Variants in GFAP observed in about 807,000 individuals in gnomAD.
GFAP encodes the protein intermediate filament protein.
GFAP carries 38 observed loss-of-function variants against 49.3 expected under a neutral mutation model. That is an observed-to-expected ratio of 0.77 (90% CI 0.60 to 1.01). The LOEUF (loss-of-function observed/expected upper bound fraction) is 1.01, where lower values mean the gene tolerates loss of function less well. Among genes scored for constraint, GFAP ranks in the 50% least tolerant of loss-of-function variants. GFAP has a pLI of 0.00. For synonymous variants in GFAP, 222 were observed against 236.4 expected, an observed-to-expected ratio of 0.94 and a Z score of 0.56; for missense variants, 463 against 579.1, an observed-to-expected ratio of 0.80 and a Z score of 2.06.
intron 4 of GFAP, chr17:44,912,296 T>C (rs1472647672): frequency 1.9e-5 from 3 of 157,396 alleles, no homozygotes; most frequent in African/African-American, 7.2e-5. Flanking sequence ...GCTGATTTTG[T>C]ATTTTTAGTA....
At position 44,904,325 on chromosome 17, in the gene GFAP, C is replaced by T. The variant is rs1457402419; in HGVS notation, c.*3022G>A. 1.0e-5 allele frequency: 16 copies of T among 1,543,226 alleles called. No individual in the cohort carries two copies. Among genetic ancestry groups the T allele is most frequent in the Non-Finnish European group, 1.2e-5 (14 of 1,142,658 alleles). On this transcript the variant is annotated 3_prime_UTR_variant, in exon 9 of 9. Transcript: ENST00000588735. Reference sequence around the variant, plus strand: ...CTTTGCAGATGAATACTATGGGCACCTCCATGTCTTCACCACCTTCTGGGA... The same window carrying T: ...CTTTGCAGATGAATACTATGGGCACTTCCATGTCTTCACCACCTTCTGGGA...
intron 4 of GFAP, 28 bp from the exon 5 acceptor site, chr17:44,911,825 G>A (rs769420427): frequency 1.2e-4 from 195 of 1,602,010 alleles, no homozygotes; most frequent in Non-Finnish European, 1.7e-4. Flanking sequence ...ATGGGGGGCT[G>A]TGTGGGCCCA....
chr17:44,904,431 C>T lies in GFAP; in HGVS notation c.*2916G>A, dbSNP rs1404828331. 7 of 1,541,112 alleles carry T rather than the reference C, an allele frequency of 4.5e-6. No homozygotes were observed. Among genetic ancestry groups the T allele is most frequent in the Non-Finnish European group, 6.1e-6 (7 of 1,140,034 alleles). On this transcript the variant is annotated 3_prime_UTR_variant, in exon 9 of 9. Coordinates refer to ENST00000588735, the MANE Select transcript of GFAP (RefSeq NM_002055.5). ...TGCTACCTGCAGAGCCCAGACCTCT[C>T]CCCACGCTACCTCAAGGCCGTGCCC...
Position 44,913,267 on chromosome 17 carries a change from A to G in GFAP, c.780+2T>C, listed in dbSNP as rs746870057. The stretch of plus-strand genomic sequence containing the variant: ...GGCAGGCTGGCCCACAGGCAGGGCT[A>G]CCTTGGAGCGGTACCACTCTTCGGC... On this transcript the variant is annotated splice_donor_variant, in intron 4 of 8. Transcript: ENST00000588735. LOFTEE classifies it high-confidence loss of function. The G allele has an allele frequency of 6.2e-7, 1 of 1,614,002 alleles. No homozygotes were observed. Among genetic ancestry groups the G allele is most frequent in the Non-Finnish European group, 8.5e-7 (1 of 1,179,924 alleles).
rs554069030 is a variant in GFAP, at chr17:44,914,660, G to A, written c.461+366C>T. The A allele has an allele frequency of 6.8e-5, 20 of 294,576 alleles. 1 individual carries two copies. The South Asian group carries it at 7.4e-4, about 11-fold the overall frequency. 18.2% of individuals were successfully genotyped at this position (294,576 alleles called of 1,614,324 possible). Reference sequence around the variant, plus strand: ...TCCCTCATGGACATCAACCTTCTCCGCTTCCAACTCCTCCTTTATATGGAC... The same window carrying A: ...TCCCTCATGGACATCAACCTTCTCCACTTCCAACTCCTCCTTTATATGGAC... On this transcript the variant is annotated intron_variant, in intron 1 of 8. Transcript: ENST00000588735.
chr17:44,910,059 G>A, intron 7 of GFAP: 1 of 1,609,808 alleles, frequency 6.2e-7, no homozygotes, highest in African/African-American at 1.3e-5. Flanking sequence ...GGGAACTCAG[G>A]GGGATTGGGA....
chr17:44,912,953 C>G, intron 4 of GFAP: 1 of 387,590 alleles, frequency 2.6e-6, no homozygotes, highest in South Asian at 2.4e-5. Context: ...TAGTTAACCT[C>G]TCTGGACTTC....
At chr17:44,911,032 A>T (rs1043898850) in intron 6 of GFAP, among the ~76,000 whole-genome samples, 5 of 152,194 alleles carry the variant, frequency 3.3e-5, no homozygotes, top group African/African-American at 1.2e-4. Flanking sequence ...AGGCCTAATC[A>T]ATATTGGTTG....
chr17:44,910,803 G>T, intron 6 of GFAP, 145 bp from the exon 7 acceptor site: 1 of 1,211,094 alleles, frequency 8.3e-7, no homozygotes, highest in Non-Finnish European at 1.2e-6. Context: ...TTCCCCAGCA[G>T]CCAACGTGCT....
intron 7 of GFAP, chr17:44,910,204 G>A (rs2051728511): frequency 5.0e-6 from 8 of 1,613,878 alleles, no homozygotes; most frequent in Non-Finnish European, 4.2e-6. Flanking sequence ...CGTATTGTGA[G>A]GCTTTTGAGA....
Position 44,915,126 on chromosome 17 carries a change from G to A in GFAP, c.361C>T (p.Arg121Ter), listed in dbSNP as rs774973273. Residue 121 changes from arginine to a stop codon, truncating the protein, a stop_gained, in exon 1 of 9, where the codon CGA becomes TGA. Transcript: ENST00000588735. LOFTEE classifies it high-confidence loss of function. This position sits in a 1 kb window ranked among gnomAD's most constrained non-coding sequence, Gnocchi z 4.1. Reference sequence around the variant, plus strand: ...TGATCGAGCCGCAGCCGCAGCTCTCGCAGCTCAGCCTGGTAGACGTCTGCC... The same window carrying A: ...TGATCGAGCCGCAGCCGCAGCTCTCACAGCTCAGCCTGGTAGACGTCTGCC... ...KLADVYQAEL[R>*]ELRLRLDQLT... 3.7e-6 allele frequency: 6 copies of A among 1,613,900 alleles called. No individual in the cohort carries two copies. The Admixed American group carries it at 5.0e-5, about 13-fold the overall frequency.
chr17:44,913,041 C>T, intron 4 of GFAP: 1 of 588,278 alleles, frequency 1.7e-6, no homozygotes, highest in Non-Finnish European at 3.1e-6. Flanking sequence ...TAGAACAGAA[C>T]AGTATCAGCT....
At chr17:44,908,033 A>G (rs753584704) in intron 8 of GFAP, 31 bp downstream of exon 8, 13 of 1,489,342 alleles carry the variant, frequency 8.7e-6, no homozygotes, top group Non-Finnish European at 1.2e-5. Flanking sequence ...GGGGCCAGCC[A>G]GAGCCTGACT....
chr17:44,909,175 AG>A (rs2051704251), intron 7 of GFAP: 1 of 152,440 alleles, frequency 6.6e-6, no homozygotes, highest in Non-Finnish European at 1.5e-5. Flanking sequence ...CCAGAGCTCA[AG>A]AAGTCCCAAC....
At chr17:44,913,248 C>T (rs765288999) in intron 4 of GFAP, 21 bp downstream of exon 4, 2 of 1,612,150 alleles carry the variant, frequency 1.2e-6, no homozygotes, top group South Asian at 2.2e-5. Flanking sequence ...AGGAGGCAGG[C>T]TGGCCCACAG....
chr17:44,907,115 T>A lies in GFAP; in HGVS notation c.*232A>T. On this transcript the variant is annotated 3_prime_UTR_variant, in exon 9 of 9. Transcript: ENST00000588735. The stretch of plus-strand genomic sequence containing the variant: ...GCCCCTCCAGACTGCCCCTTGGGGG[T>A]GAGTTTCTTGTTAGTTGGAGTTGCT... The A allele has an allele frequency of 1.7e-6, 1 of 579,140 alleles. No homozygotes were observed. Among genetic ancestry groups the A allele is most frequent in the Non-Finnish European group, 3.1e-6 (1 of 321,770 alleles). The allele number at this position is 579,140 out of a possible 1,614,324, so 35.9% of individuals were successfully genotyped here.
At position 44,904,793 on chromosome 17, in the gene GFAP, G is replaced by C; in HGVS notation, c.*2554C>G. The C allele has an allele frequency of 1.0e-5, 16 of 1,550,616 alleles. No homozygotes were observed. The highest frequency in any genetic ancestry group is 1.4e-5 in the Non-Finnish European group (16 of 1,146,968). ...GAAGGGTGTCAACAGGTCCATGAGG[G>C]TGTTCATTGACCACGGCAACCAGCT... is the stretch of plus-strand genomic sequence containing the variant. On this transcript the variant is annotated 3_prime_UTR_variant, in exon 9 of 9. Coordinates refer to ENST00000588735, the MANE Select transcript of GFAP (RefSeq NM_002055.5).
At chr17:44,910,515 C>T (rs991760123) in intron 7 of GFAP, 100 bp downstream of exon 7, 1 of 1,552,766 alleles carries the variant, frequency 6.4e-7, no homozygotes, top group Non-Finnish European at 8.7e-7. Flanking sequence ...GAGCTGGATC[C>T]CTTTGCCCTG....
intron 1 of GFAP, 195 bp downstream of exon 1, chr17:44,914,831 A>C: frequency 1.7e-6 from 1 of 604,478 alleles, no homozygotes. Flanking sequence ...GCATGCGGGC[A>C]TCAGATCCCC....
Sources: allele counts gnomAD v4.1 joint callset (sites outside exome capture counted in the v4.1 genomes callset), GRCh38; gene constraint gnomAD v4.1.1; non-coding constraint Gnocchi (gnomAD v3.1); transcripts MANE v1.5; gene names NCBI Gene and HGNC (gene_info 2026-07-23, HGNC 2026-07-21).